CDH6: variants seen among roughly 807,000 people sequenced by gnomAD.
CDH6 encodes the protein cadherin 6.
Under a neutral mutation model 78.0 loss-of-function variants are expected in CDH6, and 31 were observed. That is an observed-to-expected ratio of 0.40 (90% CI 0.30 to 0.54). The LOEUF is 0.54. Ranked by LOEUF, CDH6 falls within the 20% of genes least tolerant of loss-of-function variation. The probability of loss-of-function intolerance (pLI) is 0.56; values close to 1 mark genes in which losing one functional copy is unlikely to be tolerated. For missense variants in CDH6, 724 were observed against 975.9 expected (o/e 0.74, Z 3.44); for synonymous variants, 376 against 368.8 (o/e 1.02, Z -0.23).
rs145252477 is a variant in CDH6 at position 31,291,240 on chromosome 5, A to G, written c.229-2722A>G. Among the ~76,000 whole-genome samples, 524 of 152,098 alleles carry G rather than the reference A, an allele frequency of 3.4e-3. 4 individuals carry two copies. Among genetic ancestry groups the G allele is most frequent in the African/African-American group, 0.012 (486 of 41,498 alleles). ...CTTTTGATCACAGATTTTACCTTAGAGATACCATGTGTCTGTAAAATTGGG... is the reference window on the plus strand; with the variant it reads ...CTTTTGATCACAGATTTTACCTTAGGGATACCATGTGTCTGTAAAATTGGG... On this transcript the variant is annotated intron_variant, in intron 2 of 11. Coordinates refer to ENST00000265071, the MANE Select transcript of CDH6 (RefSeq NM_004932.4).
At chr5:31,278,227 G>C (rs1742752427) in intron 2 of CDH6, among the ~76,000 whole-genome samples, 1 of 152,146 alleles carries the variant, frequency 6.6e-6, no homozygotes, top group Non-Finnish European at 1.5e-5. Context: ...GTTTTAGATA[G>C]TAAACATATA....
chr5:31,203,021 A>G (rs1416667876), intron 1 of CDH6, among the ~76,000 whole-genome samples: 2 of 152,024 alleles, frequency 1.3e-5, no homozygotes, highest in Non-Finnish European at 2.9e-5. Flanking sequence ...CTGACTCCTC[A>G]TTTGAACCAA....
At position 31,322,893 on chromosome 5, in the gene CDH6, G is replaced by A. The variant is rs1241538670; in HGVS notation, c.1958G>A (p.Arg653Lys). ...EPLIISKEDIRDNIVSYNDEG... is the reference protein window; with the variant it reads ...EPLIISKEDIKDNIVSYNDEG... ...TTGATCATTTCCAAAGAGGACATCA[G>A]AGATAACATTGTCAGTTACAACGAC... is the stretch of plus-strand genomic sequence containing the variant. The change falls in exon 12 of 12, where the codon AGA becomes AAA. Residue 653 changes from arginine (R) to lysine (K), a missense_variant. Around this residue, in one of 3 missense-constraint regions of CDH6, gnomAD observed 220 missense variants for 240.6 expected, o/e 0.91. Transcript: ENST00000265071. 4 of 1,614,168 alleles carry A rather than the reference G, an allele frequency of 2.5e-6. No individual in the cohort carries two copies. The highest frequency in any genetic ancestry group is 3.4e-6 in the Non-Finnish European group (4 of 1,180,026).
At chr5:31,250,243 C>A (rs1269925667) in intron 1 of CDH6, 1 of 152,316 alleles carries the variant, frequency 6.6e-6, no homozygotes, top group Non-Finnish European at 1.5e-5. Context: ...GGAGACCTCA[C>A]ATGACTGTGT....
chr5:31,199,316 T>C (rs1383188755), intron 1 of CDH6, among the ~76,000 whole-genome samples: 2 of 144,520 alleles, frequency 1.4e-5, no homozygotes, highest in Non-Finnish European at 3.0e-5. Flanking sequence ...AGGAAAAGAG[T>C]TGATAATATA....
chr5:31,221,508 T>C (rs1305242140), intron 1 of CDH6, among the ~76,000 whole-genome samples: 1 of 152,220 alleles, frequency 6.6e-6, no homozygotes, highest in Non-Finnish European at 1.5e-5. Context: ...TTTTATCTTT[T>C]TTTCAATATT....
intron 1 of CDH6, among the ~76,000 whole-genome samples, chr5:31,210,110 T>TGTGTGTGTGTGTGTGTGTGTGTG: frequency 1.3e-5 from 1 of 76,518 alleles, no homozygotes; most frequent in East Asian, 4.8e-4. Context: ...GTGTGTGTGT[T>TGTGTGTGTGTGTGTGTGTGTGTG]TGCAGAAGGC....
At chr5:31,259,032 T>C (rs932543402) in intron 1 of CDH6, among the ~76,000 whole-genome samples, 1 of 152,248 alleles carries the variant, frequency 6.6e-6, no homozygotes, top group Non-Finnish European at 1.5e-5. Flanking sequence ...AGAAGAATGT[T>C]ATCCACCTCT....
intron 11 of CDH6, among the ~76,000 whole-genome samples, chr5:31,322,285 A>G (rs898463338): frequency 1.3e-5 from 2 of 152,070 alleles, no homozygotes; most frequent in African/African-American, 2.4e-5. Context: ...AAAGGTATGC[A>G]AATATTCAGT....
intron 2 of CDH6, among the ~76,000 whole-genome samples, chr5:31,272,571 T>C (rs1256645033): frequency 6.6e-6 from 1 of 152,200 alleles, no homozygotes; most frequent in South Asian, 2.1e-4. Flanking sequence ...TTTGAAGACA[T>C]AGGCATTCAT....
At chr5:31,237,392 C>T (rs1259276361) in intron 1 of CDH6, among the ~76,000 whole-genome samples, 2 of 152,092 alleles carry the variant, frequency 1.3e-5, no homozygotes, top group South Asian at 2.1e-4. Context: ...CACTTTGAAC[C>T]ACGCTATCCA....
chr5:31,232,924 G>A (rs1741351335), intron 1 of CDH6, among the ~76,000 whole-genome samples: 1 of 152,082 alleles, frequency 6.6e-6, no homozygotes, highest in Non-Finnish European at 1.5e-5. Context: ...ACTCCCCGTT[G>A]TACAGATGAA....
At chr5:31,299,316 G>T in intron 4 of CDH6, 148 bp from the exon 5 acceptor site, 3 of 585,576 alleles carry the variant, frequency 5.1e-6, no homozygotes, top group South Asian at 2.6e-5. Context: ...TCAGTATAAA[G>T]GCTGCATATA....
At position 31,257,777 on chromosome 5, in the gene CDH6, T is replaced by C. The variant is rs72749672; in HGVS notation, c.-128-9569T>C. Among the ~76,000 whole-genome samples, 154 of 152,272 alleles carry C rather than the reference T, an allele frequency of 1.0e-3. 2 individuals carry two copies. The highest frequency in any genetic ancestry group is 1.1e-3 in the Admixed American group (17 of 15,292). ...TCCAGCACTCACTCATCCCTTCAAT[T>C]TGTGGGGGATTTAAAAACCTGATGA... On this transcript the variant is annotated intron_variant, in intron 1 of 11. Transcript: ENST00000265071.
intron 6 of CDH6, among the ~76,000 whole-genome samples, chr5:31,302,738 G>A (rs1369501617): frequency 5.0e-5 from 4 of 79,610 alleles, no homozygotes; most frequent in African/African-American, 3.3e-5. Flanking sequence ...AAAGAAGGAA[G>A]GAAGGAAGGA....
At chr5:31,301,632 A>G (rs2149951319) in intron 5 of CDH6, among the ~76,000 whole-genome samples, 1 of 152,372 alleles carries the variant, frequency 6.6e-6, no homozygotes, top group East Asian at 1.9e-4. Flanking sequence ...GAATAAAAGA[A>G]TATCTACCTG....
At chr5:31,269,283 C>T (rs75195045) in intron 2 of CDH6, among the ~76,000 whole-genome samples, 6 of 89,640 alleles carry the variant, frequency 6.7e-5, no homozygotes, top group Admixed American at 1.3e-4. Flanking sequence ...AAAAAAAAAG[C>T]GGGGGGGGCA....
At chr5:31,253,896 TTAAAA>T in intron 1 of CDH6, among the ~76,000 whole-genome samples, 1 of 151,990 alleles carries the variant, frequency 6.6e-6, no homozygotes, top group African/African-American at 2.4e-5. Context: ...AATCTGCTTT[TTAAAA>T]AAAGAAAAGG....
In CDH6 at chr5:31,292,801, GTGCATATATA is replaced by G. The variant is rs1393503899; in HGVS notation, c.229-1159_229-1150del. The stretch of plus-strand genomic sequence containing the variant: ...TGTGTGTATATGTATATATATGTGT[GTGCATATATA>G]TATATGTGTGCATATATATATATAT... On this transcript the variant is annotated intron_variant, in intron 2 of 11. Coordinates refer to ENST00000265071, the MANE Select transcript of CDH6 (RefSeq NM_004932.4). 1.4e-3 allele frequency among the ~76,000 whole-genome samples: 204 copies of G among 144,220 alleles called. 1 individual carries two copies. The South Asian group carries it at 0.018, about 13-fold the overall frequency. The allele number at this position is 144,220 out of a possible 152,430, so 94.6% of individuals were successfully genotyped here.
Sources: allele counts gnomAD v4.1 joint callset (sites outside exome capture counted in the v4.1 genomes callset), GRCh38; gene constraint gnomAD v4.1.1; regional missense constraint gnomAD v4.1.1; transcripts MANE v1.5; gene names NCBI Gene and HGNC (gene_info 2026-07-23, HGNC 2026-07-21).